The following MROH7 variants were observed in gnomAD, a reference collection of about 807,000 sequenced individuals.
MROH7 encodes maestro heat-like repeat-containing protein family member 7.
In MROH7, 113 loss-of-function variants were observed where a neutral mutation model predicts 129.2. That is an observed-to-expected ratio of 0.87 (90% CI 0.75 to 1.02). The LOEUF (loss-of-function observed/expected upper bound fraction) is 1.02, where lower values mean the gene tolerates loss of function less well. Among genes scored for constraint, MROH7 ranks in the 50% least tolerant of loss-of-function variants. The probability of loss-of-function intolerance (pLI) is 0.00; values close to 1 mark genes in which losing one functional copy is unlikely to be tolerated. For missense variants in MROH7, 1,601 were observed against 1,671.3 expected (o/e 0.96, Z 0.73); for synonymous variants, 655 against 667.9 (o/e 0.98, Z 0.30).
chr1:54,665,323 C>A, intron 4 of MROH7, 83 bp downstream of exon 4: 1 of 1,005,388 alleles, frequency 9.9e-7, no homozygotes, highest in Non-Finnish European at 1.5e-6. Context: ...CCAGCAGCCT[C>A]CGCATTCCCC....
intron 17 of MROH7, chr1:54,699,113 T>C (rs1645374693): frequency 2.5e-5 from 2 of 81,240 alleles, no homozygotes; most frequent in Admixed American, 2.4e-4. Context: ...TTTCTTTCTT[T>C]CTTTCTTTCT....
rs748444062 is a variant in MROH7 at position 54,682,789 on chromosome 1, C to T, written c.2515C>T (p.Leu839=). 2 of 1,611,296 alleles carry T rather than the reference C, an allele frequency of 1.2e-6. No homozygotes were observed. Among genetic ancestry groups the T allele is most frequent in the Middle Eastern group, 1.8e-4 (1 of 5,578 alleles). ...TKEGRASIVP[L]AAASGLCELL... is the part of the protein sequence containing the mutation. ...GGAGGGCCGGGCTTCCATCGTGCCCCTGGCGGTGAGCACCCAGTCAGCCAG... is the reference window on the plus strand; with the variant it reads ...GGAGGGCCGGGCTTCCATCGTGCCCTTGGCGGTGAGCACCCAGTCAGCCAG... The change falls in exon 14 of 24, where the codon CTG becomes TTG. Residue 839 remains leucine, a synonymous_variant. Transcript: ENST00000421030.
At chr1:54,692,230 T>A (rs1425805570) in intron 15 of MROH7, among the ~76,000 whole-genome samples, 194 bp from the exon 16 acceptor site, 2 of 152,226 alleles carry the variant, frequency 1.3e-5, no homozygotes, top group Non-Finnish European at 2.9e-5. Context: ...GGACTTTGCT[T>A]CTGTTTCCTC....
intron 17 of MROH7, among the ~76,000 whole-genome samples, chr1:54,696,659 CTTTTTTT>C (rs1157748080): frequency 0.023 from 1,506 of 66,768 alleles, 26 homozygotes; most frequent in African/African-American, 0.079. Flanking sequence ...AATTTCCTTA[CTTTTTTT>C]TTTTTTTTTT....
chr1:54,667,430 G>T (rs1380431137), intron 4 of MROH7, among the ~76,000 whole-genome samples: 1 of 151,850 alleles, frequency 6.6e-6, no homozygotes, highest in Non-Finnish European at 1.5e-5. Context: ...AGACCAACCT[G>T]GGCAACATCG....
chr1:54,675,921 C>A (rs649745), intron 10 of MROH7, among the ~76,000 whole-genome samples: 1 of 151,658 alleles, frequency 6.6e-6, no homozygotes, highest in African/African-American at 2.4e-5. Flanking sequence ...CAGGCGTGCA[C>A]CACCGCACCC....
At chr1:54,673,945 G>A (rs571199) in intron 9 of MROH7, 71 bp from the exon 10 acceptor site, 457,509 of 1,568,000 alleles carry the variant, frequency 0.29, 68,178 homozygotes, top group Middle Eastern at 0.41. Flanking sequence ...ACTATCCACC[G>A]GTGTTCACCA....
In MROH7 at chr1:54,699,149, T is replaced by TC. The variant is rs1491202222; in HGVS notation, c.2965-1171dup. On this transcript the variant is annotated intron_variant, in intron 17 of 23. Transcript: ENST00000421030. ...TTCTTTCTTTCTTTCTTTCTTTCTT[T>TC]CTTTCTTTCTTTTCTTTCTTTCTTT... 70 of 96,576 alleles carry TC rather than the reference T, an allele frequency of 7.2e-4. 4 individuals are homozygous for TC. The highest frequency in any genetic ancestry group is 2.6e-3 in the African/African-American group (66 of 25,352). The allele number at this position is 96,576 out of a possible 1,614,324, so 6.0% of individuals were successfully genotyped here.
intron 14 of MROH7, 77 bp from the exon 15 acceptor site, chr1:54,686,181 G>C: frequency 3.0e-6 from 4 of 1,342,746 alleles, no homozygotes; most frequent in Admixed American, 2.1e-5. Flanking sequence ...ACCTCCCAGA[G>C]AGGCAGTCCA....
chr1:54,651,295 A>T (rs1329010670), intron 1 of MROH7: 4 of 152,310 alleles, frequency 2.6e-5, no homozygotes, highest in Non-Finnish European at 4.4e-5. Context: ...CTCATTGGCT[A>T]GTGGGGAAGC....
At chr1:54,668,789 C>A in intron 4 of MROH7, 65 bp from the exon 5 acceptor site, 1 of 1,291,392 alleles carries the variant, frequency 7.7e-7, no homozygotes, top group Admixed American at 1.7e-5. Context: ...GCTGTATGGG[C>A]AACCCCTGAG....
intron 10 of MROH7, among the ~76,000 whole-genome samples, chr1:54,674,699 G>A (rs1479498506): frequency 1.3e-5 from 2 of 152,156 alleles, no homozygotes; most frequent in South Asian, 4.1e-4. Context: ...GGAGCACTTC[G>A]TGATGTGGTA....
chr1:54,696,599 T>C (rs1340531251), intron 17 of MROH7, among the ~76,000 whole-genome samples: 1 of 151,750 alleles, frequency 6.6e-6, no homozygotes, highest in Non-Finnish European at 1.5e-5. Context: ...CCTGGCTGTT[T>C]CCCTAAACAT....
intron 1 of MROH7, among the ~76,000 whole-genome samples, chr1:54,649,068 T>C (rs1416138441): frequency 6.6e-6 from 1 of 152,196 alleles, no homozygotes; most frequent in Non-Finnish European, 1.5e-5. Context: ...TGCAAATGTG[T>C]GTGAGTGTAT....
At position 54,653,613 on chromosome 1, in the gene MROH7, C is replaced by T. The variant is rs780663683; in HGVS notation, c.687C>T (p.Asn229=). Residue 229 remains asparagine, a synonymous_variant, in exon 3 of 24, where the codon AAC becomes AAT. Transcript: ENST00000421030. ...GCTCAAGAAACACCTCCAAGCTGAA[C>T]CTGAATGTAGCTCCAGATTCTCATG... is the stretch of plus-strand genomic sequence containing the variant. The part of the protein sequence containing the change: ...NMGSRNTSKL[N]LNVAPDSHGT... The T allele has an allele frequency of 2.6e-5, 42 of 1,614,060 alleles. No homozygotes were observed. The South Asian group carries it at 3.2e-4, about 12-fold the overall frequency.
chr1:54,652,739 G>A (rs1451525208), intron 2 of MROH7, 114 bp from the exon 3 acceptor site: 21 of 697,812 alleles, frequency 3.0e-5, no homozygotes, highest in Non-Finnish European at 4.5e-5. Context: ...GCTGGGCACA[G>A]TCACCAGGGC....
At position 54,653,285 on chromosome 1, in the gene MROH7, G is replaced by T. The variant is rs531104510; in HGVS notation, c.359G>T (p.Arg120Leu). The change falls in exon 3 of 24, where the codon CGC (arginine) becomes CTC (leucine). Residue 120 changes from arginine to leucine, a missense_variant. Coordinates refer to ENST00000421030, the MANE Select transcript of MROH7 (RefSeq NM_001039464.4). ...KDVSRPDSQGRLCPASNPILS... is the reference protein window; with the variant it reads ...KDVSRPDSQGLLCPASNPILS... Reference sequence around the variant, plus strand: ...GTCTCAAGGCCTGACTCACAGGGGCGCCTCTGTCCAGCCTCAAACCCCATT... The same window carrying T: ...GTCTCAAGGCCTGACTCACAGGGGCTCCTCTGTCCAGCCTCAAACCCCATT... 3.3e-5 allele frequency: 54 copies of T among 1,614,104 alleles called. No homozygotes were observed. The South Asian group carries it at 3.4e-4, about 10-fold the overall frequency.
At chr1:54,662,290 CTT>C (rs1179084994) in intron 3 of MROH7, among the ~76,000 whole-genome samples, 1 of 152,002 alleles carries the variant, frequency 6.6e-6, no homozygotes, top group African/African-American at 2.4e-5. Flanking sequence ...AATCCCAGCA[CTT>C]TTGGAGGCCG....
chr1:54,700,447 C>G lies in MROH7; in HGVS notation c.3091C>G (p.Arg1031Gly), dbSNP rs147744184. ...CATTCGAGGCCTGGTCATCCTGGCC[C>G]GCAGGTCTGAGAAGGTGAGTGGGAG... ...LSIRGLVILARRSEKTAKVKA... is the reference protein window; with the variant it reads ...LSIRGLVILAGRSEKTAKVKA... The change falls in exon 18 of 24, where the codon CGC becomes GGC. Residue 1031 changes from arginine (R) to glycine (G), a missense_variant. Transcript: ENST00000421030. 2.0e-4 allele frequency: 323 copies of G among 1,600,262 alleles called. No individual in the cohort carries two copies. Among genetic ancestry groups the G allele is most frequent in the Middle Eastern group, 2.0e-3 (12 of 5,952 alleles).
Sources: gnomAD v4.1 joint callset for allele counts (sites outside exome capture counted in the v4.1 genomes callset) on GRCh38, gnomAD v4.1.1 for gene constraint, MANE v1.5 for transcripts, NCBI Gene and HGNC (gene_info 2026-07-23, HGNC 2026-07-21) for gene names.